Variants in MAMDC2 observed in about 807,000 individuals in gnomAD.
MAMDC2 encodes MAM domain-containing protein 2.
Under a neutral mutation model 89.8 loss-of-function variants are expected in MAMDC2, and 57 were observed. The observed-to-expected ratio is 0.63, with a 90% confidence interval of 0.51 to 0.79. The LOEUF (loss-of-function observed/expected upper bound fraction) is 0.79, where lower values mean the gene tolerates loss of function less well. MAMDC2 is among the 30% of genes least tolerant of loss of function. The pLI is 0.00. For missense variants in MAMDC2, 800 were observed against 820.6 expected (o/e 0.97, Z 0.31); for synonymous variants, 313 against 293.4 (o/e 1.07, Z -0.68).
At chr9:70,058,669 G>A (rs1827080309) in intron 2 of MAMDC2, among the ~76,000 whole-genome samples, 1 of 152,176 alleles carries the variant, frequency 6.6e-6, no homozygotes, top group Non-Finnish European at 1.5e-5. Context: ...CCTGCCTTCT[G>A]TGAGGGATAC....
chr9:70,225,775 T>C lies in MAMDC2; in HGVS notation c.1937T>C (p.Val646Ala), dbSNP rs35534839. 3.0e-3 allele frequency: 4,793 copies of C among 1,607,628 alleles called. 128 individuals are homozygous for C. The African/African-American group carries it at 0.055, about 18-fold the overall frequency. The change falls in exon 13 of 14, where the codon GTA (valine) becomes GCA (alanine). Residue 646 changes from valine to alanine, a missense_variant. Val to Ala is a moderately conservative substitution (Grantham distance 64). Coordinates refer to ENST00000377182, the MANE Select transcript of MAMDC2 (RefSeq NM_153267.5). ...ATAATTTTTGAAGCCATTCGAGGAGTATCAATAAGAAGTGATATTGCCATT... is the reference window on the plus strand; with the variant it reads ...ATAATTTTTGAAGCCATTCGAGGAGCATCAATAAGAAGTGATATTGCCATT... Reference protein sequence around the residue: ...HQIIFEAIRGVSIRSDIAIDD... With the variant: ...HQIIFEAIRGASIRSDIAIDD...
intron 5 of MAMDC2, among the ~76,000 whole-genome samples, chr9:70,119,456 T>C (rs2030185514): frequency 6.6e-6 from 1 of 152,214 alleles, no homozygotes; most frequent in African/African-American, 2.4e-5. Context: ...TCTGCATTGA[T>C]CCATTTGGTG....
intron 2 of MAMDC2, among the ~76,000 whole-genome samples, chr9:70,100,588 T>G (rs1828162208): frequency 6.6e-6 from 1 of 152,176 alleles, no homozygotes; most frequent in Non-Finnish European, 1.5e-5. Flanking sequence ...GTCATCAGAT[T>G]TCAGCCAGAA....
chr9:70,130,683 C>T (rs2030767447), intron 6 of MAMDC2, among the ~76,000 whole-genome samples: 1 of 152,068 alleles, frequency 6.6e-6, no homozygotes, highest in African/African-American at 2.4e-5. Context: ...CTGACTGCTG[C>T]ATCTTTGTCC....
chr9:70,126,173 G>A lies in MAMDC2; in HGVS notation c.658G>A (p.Val220Met), dbSNP rs138191840. 4.1e-4 allele frequency: 664 copies of A among 1,611,420 alleles called. 4 individuals carry two copies. The highest frequency in any genetic ancestry group is 3.9e-4 in the Admixed American group (23 of 59,714). ...FKSELGHYMY[V>M]DSVYVKHFQE... ...GTGATTTTCAGGCCACTACATGTAC[G>A]TGGACTCAGTTTATGTGAAGCACTT... Residue 220 changes from valine (V) to methionine (M), a missense_variant, in exon 6 of 14, where the codon GTG becomes ATG. Transcript: ENST00000377182.
At chr9:70,123,031 G>C (rs2118324913) in intron 5 of MAMDC2, among the ~76,000 whole-genome samples, 1 of 152,312 alleles carries the variant, frequency 6.6e-6, no homozygotes, top group East Asian at 1.9e-4. Flanking sequence ...CCCAGTCAAT[G>C]ATGGTTCCTT....
chr9:70,102,700 T>C (rs1248672170), intron 2 of MAMDC2, among the ~76,000 whole-genome samples: 2 of 151,274 alleles, frequency 1.3e-5, no homozygotes, highest in African/African-American at 4.9e-5. Flanking sequence ...CTGACTTACT[T>C]TTTAAAAAAA....
intron 2 of MAMDC2, among the ~76,000 whole-genome samples, chr9:70,106,463 G>A (rs995075279): frequency 3.9e-5 from 6 of 152,170 alleles, no homozygotes; most frequent in African/African-American, 1.2e-4. Context: ...GCAAAGAGTG[G>A]GGAAAGAGGA....
chr9:70,060,132 AC>A lies in MAMDC2; in HGVS notation c.148+15438del, dbSNP rs1459148808. ...TTAATTATTTGTTCATTGTCTATCA[AC>A]CCTGCTGAACTCTAAGCTTTGTGTT... On this transcript the variant is annotated intron_variant, in intron 2 of 13. Coordinates refer to ENST00000377182, the MANE Select transcript of MAMDC2 (RefSeq NM_153267.5). 5.3e-5 allele frequency among the ~76,000 whole-genome samples: 8 copies of A among 152,240 alleles called. No homozygotes were observed. In the South Asian group the frequency reaches 1.5e-3, roughly 28 times the overall value.
intron 10 of MAMDC2, 136 bp from the exon 11 acceptor site, chr9:70,170,343 T>C: frequency 1.1e-6 from 1 of 904,400 alleles, no homozygotes; most frequent in Admixed American, 2.9e-5. Flanking sequence ...TCCGTGTAGG[T>C]GGGCCACCAG....
chr9:70,135,976 C>T (rs770448206), intron 7 of MAMDC2, among the ~76,000 whole-genome samples: 1 of 151,964 alleles, frequency 6.6e-6, no homozygotes, highest in African/African-American at 2.4e-5. Flanking sequence ...CATGGTGAAA[C>T]CCTGTCTCTA....
chr9:70,218,507 G>C lies in MAMDC2; in HGVS notation c.1822G>C (p.Glu608Gln). 6.2e-7 allele frequency: 1 copy of C among 1,614,216 alleles called. No individual in the cohort carries two copies. Among genetic ancestry groups the C allele is most frequent in the Non-Finnish European group, 8.5e-7 (1 of 1,180,036 alleles). ...TTATCTGAAAAAGGAAGAAGACAGT[G>C]AAGAGTCCCTCTTATGGAGGAGAAG... is the stretch of plus-strand genomic sequence containing the variant. ...SVYLKKEEDS[E>Q]ESLLWRRRGE... The change falls in exon 12 of 14, where the codon GAA becomes CAA. Residue 608 changes from glutamate (E) to glutamine (Q), a missense_variant. Glu to Gln is a conservative substitution (Grantham distance 29). Transcript: ENST00000377182.
intron 2 of MAMDC2, chr9:70,083,726 T>TC (rs1212092510): frequency 6.7e-6 from 1 of 150,250 alleles, no homozygotes; most frequent in East Asian, 1.9e-4. Context: ...ATACCTTTTA[T>TC]CCCAAGCCAA....
chr9:70,125,564 C>T (rs2118338347), intron 5 of MAMDC2, among the ~76,000 whole-genome samples: 1 of 152,358 alleles, frequency 6.6e-6, no homozygotes, highest in Admixed American at 6.5e-5. Context: ...CACACATTCA[C>T]TCCTCCAAAT....
chr9:70,061,096 G>A (rs1306238154), intron 2 of MAMDC2, among the ~76,000 whole-genome samples: 1 of 152,144 alleles, frequency 6.6e-6, no homozygotes, highest in Admixed American at 6.5e-5. Context: ...CTCTATGGAG[G>A]TGTGGGATAG....
chr9:70,188,963 CA>C (rs1408584357), intron 11 of MAMDC2, among the ~76,000 whole-genome samples: 1 of 151,948 alleles, frequency 6.6e-6, no homozygotes, highest in African/African-American at 2.4e-5. Flanking sequence ...TCATAGCATA[CA>C]AAAACTATGC....
At chr9:70,217,286 T>C in intron 11 of MAMDC2, 1 of 1,294,860 alleles carries the variant, frequency 7.7e-7, no homozygotes, top group African/African-American at 1.5e-5. Context: ...GTTTTCGAGT[T>C]TCTTAATGCG....
chr9:70,180,030 C>A (rs867346438), intron 11 of MAMDC2, among the ~76,000 whole-genome samples: 25 of 151,218 alleles, frequency 1.7e-4, no homozygotes, highest in Middle Eastern at 3.4e-3. Flanking sequence ...CACCCCCCAA[C>A]AGGCCCCGGT....
At position 70,191,189 on chromosome 9, in the gene MAMDC2, C is replaced by A. The variant is rs915551955; in HGVS notation, c.1651+20558C>A. Among the ~76,000 whole-genome samples the A allele has an allele frequency of 2.0e-5, 3 of 152,018 alleles. No individual in the cohort carries two copies. The East Asian group carries it at 5.8e-4, about 29-fold the overall frequency. ...TTGTGAAAAGCCTTTGATTAATTCC[C>A]AGAATTCTGAAAAAGTTTATTGTGA... On this transcript the variant is annotated intron_variant, in intron 11 of 13. Transcript: ENST00000377182.
Sources: allele counts gnomAD v4.1 joint callset (sites outside exome capture counted in the v4.1 genomes callset), GRCh38; gene constraint gnomAD v4.1.1; transcripts MANE v1.5; gene names NCBI Gene and HGNC (gene_info 2026-07-23, HGNC 2026-07-21).